The following DGCR2 variants were observed in gnomAD, a reference collection of about 807,000 sequenced individuals.
The protein encoded by DGCR2 is integral membrane protein DGCR2/IDD.
Under a neutral mutation model 51.6 loss-of-function variants are expected in DGCR2, and 24 were observed. The observed-to-expected ratio is 0.47, with a 90% CI of 0.34 to 0.65. The LOEUF (loss-of-function observed/expected upper bound fraction) is 0.65. DGCR2 is among the 30% of genes least tolerant of loss of function. The pLI is 0.01. For missense variants in DGCR2, 765 were observed against 772.1 expected (o/e 0.99, Z 0.11); for synonymous variants, 340 against 315.4 (o/e 1.08, Z -0.82).
chr22:19,119,465 G>T (rs1053399179), intron 1 of DGCR2, among the ~76,000 whole-genome samples: 2 of 152,162 alleles, frequency 1.3e-5, no homozygotes, highest in Non-Finnish European at 2.9e-5. Context: ...GCTGGGCATG[G>T]TACCTCAGGC....
intron 2 of DGCR2, among the ~76,000 whole-genome samples, chr22:19,076,321 C>T (rs911894663): frequency 2.0e-5 from 3 of 149,474 alleles, no homozygotes; most frequent in Non-Finnish European, 2.9e-5. Context: ...TCACCATACT[C>T]GGCTAATTTT....
At chr22:19,117,222 G>A (rs1422852528) in intron 1 of DGCR2, among the ~76,000 whole-genome samples, 1 of 152,246 alleles carries the variant, frequency 6.6e-6, no homozygotes. Context: ...TGGGAAGTGG[G>A]AAGGAAGGGG....
intron 1 of DGCR2, among the ~76,000 whole-genome samples, chr22:19,090,894 T>C (rs1481859880): frequency 6.6e-6 from 1 of 151,636 alleles, no homozygotes; most frequent in East Asian, 1.9e-4. Flanking sequence ...AATCAATAAA[T>C]ACGCAGAACG....
intron 2 of DGCR2, among the ~76,000 whole-genome samples, chr22:19,082,078 GA>G (rs2082944296): frequency 1.0e-5 from 1 of 98,914 alleles, no homozygotes; most frequent in Non-Finnish European, 2.2e-5. Context: ...TTTTTTTTTT[GA>G]AACAGGGTCT....
At chr22:19,084,891 G>A (rs2082996798) in intron 2 of DGCR2, among the ~76,000 whole-genome samples, 1 of 152,164 alleles carries the variant, frequency 6.6e-6, no homozygotes, top group South Asian at 2.1e-4. Context: ...GGGAAGTGAG[G>A]AGCCCCTCTG....
chr22:19,106,545 C>T (rs900416782), intron 1 of DGCR2, among the ~76,000 whole-genome samples: 11 of 152,160 alleles, frequency 7.2e-5, no homozygotes, highest in African/African-American at 9.7e-5. Context: ...AGAGGCCAGC[C>T]GGCTCCTCAC....
intron 2 of DGCR2, among the ~76,000 whole-genome samples, chr22:19,082,222 CTTT>C (rs56725898): frequency 5.7e-5 from 5 of 88,066 alleles, no homozygotes; most frequent in South Asian, 8.6e-4. Flanking sequence ...CTAATTATTT[CTTT>C]TTTTTTTTTT....
At chr22:19,090,070 G>A (rs534655748) in intron 1 of DGCR2, among the ~76,000 whole-genome samples, 1 of 152,288 alleles carries the variant, frequency 6.6e-6, no homozygotes, top group South Asian at 2.1e-4. Context: ...TAACACTTAA[G>A]ATGAAAAGTA....
chr22:19,081,540 T>C (rs2082936627), intron 2 of DGCR2, among the ~76,000 whole-genome samples: 1 of 152,208 alleles, frequency 6.6e-6, no homozygotes, highest in South Asian at 2.1e-4. Context: ...TTTGGGTTGT[T>C]TCCAAGACAT....
At chr22:19,041,996 G>A (rs538321812) in intron 7 of DGCR2, 37 bp from the exon 8 acceptor site, 18 of 1,599,932 alleles carry the variant, frequency 1.1e-5, no homozygotes, top group Non-Finnish European at 1.5e-5. Flanking sequence ...CTCTGAGAAG[G>A]GGGCCACCCT....
intron 1 of DGCR2, among the ~76,000 whole-genome samples, chr22:19,111,860 AT>A (rs953903995): frequency 5.8e-4 from 52 of 89,378 alleles, no homozygotes; most frequent in African/African-American, 2.3e-3. Context: ...TTATTTATTT[AT>A]TTTTTTTTGT....
chr22:19,083,497 A>T (rs1401911765), intron 2 of DGCR2, among the ~76,000 whole-genome samples: 1 of 152,254 alleles, frequency 6.6e-6, no homozygotes, highest in East Asian at 1.9e-4. Flanking sequence ...GGAGCTTTAA[A>T]GATGCACTGA....
rs1472022601 is a variant in DGCR2, at chr22:19,042,186, A to AC, written c.1007-228dup. 2.0e-5 allele frequency among the ~76,000 whole-genome samples: 3 copies of AC among 152,232 alleles called. No individual in the cohort carries two copies. In the East Asian group the frequency reaches 5.8e-4, roughly 29 times the overall value. On this transcript the variant is annotated intron_variant, in intron 7 of 9. Transcript: ENST00000263196. The stretch of plus-strand genomic sequence containing the variant: ...AATCCCAGGTCAGGAGGAGCATCTC[A>AC]CCATGGCCCCAGGCTGCTGTGTGCC...
chr22:19,078,087 C>T (rs1194072776), intron 2 of DGCR2, among the ~76,000 whole-genome samples: 1 of 152,154 alleles, frequency 6.6e-6, no homozygotes, highest in Middle Eastern at 3.2e-3. Context: ...CCTTGGCCTC[C>T]CAAAATGCTG....
chr22:19,115,065 T>A (rs907973407), intron 1 of DGCR2, among the ~76,000 whole-genome samples: 10 of 152,108 alleles, frequency 6.6e-5, no homozygotes, highest in African/African-American at 2.4e-4. Flanking sequence ...AAGCAACAGC[T>A]ACCGCAGGCA....
intron 2 of DGCR2, among the ~76,000 whole-genome samples, chr22:19,079,233 T>C (rs1288164347): frequency 6.6e-6 from 1 of 152,180 alleles, no homozygotes; most frequent in African/African-American, 2.4e-5. Flanking sequence ...AGTGCCAACG[T>C]TGTACTCAAA....
chr22:19,088,460 A>C (rs1437243611), intron 2 of DGCR2, among the ~76,000 whole-genome samples: 1 of 152,216 alleles, frequency 6.6e-6, no homozygotes, highest in African/African-American at 2.4e-5. Context: ...GCACACATCT[A>C]CAAGATTATT....
chr22:19,062,779 A>ATTCATTCATTCTCTCTCTCTCTCT, intron 5 of DGCR2, among the ~76,000 whole-genome samples: 4 of 127,354 alleles, frequency 3.1e-5, no homozygotes, highest in Admixed American at 7.8e-5. Flanking sequence ...ATGCATGCTC[A>ATTCATTCATTCTCTCTCTCTCTCT]CTCTCTCTCT....
intron 6 of DGCR2, among the ~76,000 whole-genome samples, chr22:19,052,174 T>C (rs2082555086): frequency 6.6e-6 from 1 of 152,124 alleles, no homozygotes; most frequent in Admixed American, 6.5e-5. Flanking sequence ...CCCAGCACTT[T>C]GGGAGGCCGA....
Sources: gnomAD v4.1 joint callset for allele counts (sites outside exome capture counted in the v4.1 genomes callset) on GRCh38, gnomAD v4.1.1 for gene constraint, MANE v1.5 for transcripts, NCBI Gene and HGNC (gene_info 2026-07-23, HGNC 2026-07-21) for gene names.